Variants in GRIN2A observed in about 807,000 individuals in gnomAD.
GRIN2A encodes the protein glutamate receptor ionotropic, NMDA 2A.
GRIN2A carries 22 observed loss-of-function variants against 113.4 expected under a neutral mutation model. The ratio of observed to expected loss-of-function variants is 0.19; its 90% CI spans 0.14 to 0.28. The LOEUF is 0.28. GRIN2A is among the 10% of genes least tolerant of loss of function. GRIN2A has a pLI of 1.00. For missense variants in GRIN2A, 1,502 were observed against 1,887.0 expected, an observed-to-expected ratio of 0.80 and a Z score of 3.78; for synonymous variants, 827 against 738.4, an observed-to-expected ratio of 1.12 and a Z score of -1.94.
intron 2 of GRIN2A, chr16:10,112,844 C>T (rs767226427): frequency 1.7e-4 from 100 of 585,956 alleles, no homozygotes; most frequent in Middle Eastern, 5.0e-4. Flanking sequence ...TCGAGGGTGG[C>T]GTCCATGGCC....
intron 2 of GRIN2A, among the ~76,000 whole-genome samples, chr16:10,124,127 C>T (rs750212740): frequency 2.0e-5 from 3 of 152,064 alleles, no homozygotes; most frequent in Non-Finnish European, 2.9e-5. Flanking sequence ...GTTAAAAAAG[C>T]GAGGTATTGC....
At chr16:9,973,183 T>C (rs2045708168) in intron 2 of GRIN2A, among the ~76,000 whole-genome samples, 1 of 151,608 alleles carries the variant, frequency 6.6e-6, no homozygotes, top group South Asian at 2.1e-4. Context: ...TTTGGGGAGG[T>C]TTAGAGTCTT....
chr16:10,012,746 G>A (rs1371193746), intron 2 of GRIN2A, among the ~76,000 whole-genome samples: 2 of 152,188 alleles, frequency 1.3e-5, no homozygotes, highest in Non-Finnish European at 1.5e-5. Context: ...GGGGCCTTGA[G>A]CCAAGGAAAT....
intron 4 of GRIN2A, among the ~76,000 whole-genome samples, chr16:9,882,701 C>A (rs545896136): frequency 2.0e-5 from 3 of 152,028 alleles, no homozygotes; most frequent in African/African-American, 7.3e-5. Flanking sequence ...GCAGGAAGAC[C>A]CCTTAAGCCC....
At chr16:9,970,047 G>A (rs1328433819) in intron 2 of GRIN2A, among the ~76,000 whole-genome samples, 1 of 152,214 alleles carries the variant, frequency 6.6e-6, no homozygotes, top group East Asian at 1.9e-4. Flanking sequence ...CACACTCTAG[G>A]TAGAGCCAAC....
intron 2 of GRIN2A, among the ~76,000 whole-genome samples, chr16:10,176,957 A>T (rs760488163): frequency 6.6e-6 from 1 of 152,226 alleles, no homozygotes; most frequent in Admixed American, 6.5e-5. Context: ...CATGTTGCCA[A>T]TGTAGAAGTA....
chr16:10,101,972 A>C (rs2048408086), intron 2 of GRIN2A, among the ~76,000 whole-genome samples: 1 of 152,228 alleles, frequency 6.6e-6, no homozygotes, highest in Non-Finnish European at 1.5e-5. Flanking sequence ...CATGGTGGTA[A>C]TCCTAGAGAT....
chr16:9,958,413 T>G (rs780697789), intron 2 of GRIN2A, among the ~76,000 whole-genome samples: 1 of 152,062 alleles, frequency 6.6e-6, no homozygotes, highest in East Asian at 1.9e-4. Flanking sequence ...TGCCCATCAA[T>G]GACCACACAG....
chr16:9,975,102 T>A (rs1028171728), intron 2 of GRIN2A, among the ~76,000 whole-genome samples: 1 of 152,224 alleles, frequency 6.6e-6, no homozygotes, highest in African/African-American at 2.4e-5. Flanking sequence ...TTTCTGCATC[T>A]ATTAAGATAA....
chr16:9,893,485 A>G (rs9941069), intron 3 of GRIN2A, among the ~76,000 whole-genome samples: 49,193 of 151,940 alleles, frequency 0.32, 10,007 homozygotes, highest in African/African-American at 0.58. Flanking sequence ...TATTTTTTTT[A>G]AGACGGAGTC....
intron 11 of GRIN2A, among the ~76,000 whole-genome samples, chr16:9,772,786 G>C (rs1901352361): frequency 6.6e-6 from 1 of 152,116 alleles, no homozygotes; most frequent in Non-Finnish European, 1.5e-5. Context: ...TTGTAAGCCT[G>C]TAAGGAGGGC....
chr16:10,077,059 GGCACAGAGGAAT>G (rs1287748931), intron 2 of GRIN2A, among the ~76,000 whole-genome samples: 3 of 152,184 alleles, frequency 2.0e-5, no homozygotes, highest in African/African-American at 7.2e-5. Context: ...TCAGAAGAAA[GGCACAGAGGAAT>G]GCAATGTTGC....
chr16:9,970,063 C>T (rs570038137), intron 2 of GRIN2A, among the ~76,000 whole-genome samples: 64 of 152,312 alleles, frequency 4.2e-4, no homozygotes, highest in African/African-American at 8.4e-4. Flanking sequence ...CCAACCTTGA[C>T]GTCAAAGAAA....
At chr16:9,948,289 G>C (rs947868636) in intron 2 of GRIN2A, among the ~76,000 whole-genome samples, 16 of 152,208 alleles carry the variant, frequency 1.1e-4, no homozygotes, top group Admixed American at 3.9e-4. Context: ...GGCTTAGAGA[G>C]AGGCAGTTCT....
chr16:9,899,440 C>CAA lies in GRIN2A; in HGVS notation c.1008-8342_1008-8341dup, dbSNP rs71157791. ...GGGCAACAAGAGCAAAACTCCGTCT[C>CAA]AAAAAAAAAAAAAAAAAAAAAAAAA... On this transcript the variant is annotated intron_variant, in intron 3 of 12. Coordinates refer to ENST00000330684, the MANE Select transcript of GRIN2A (RefSeq NM_001134407.3). Among the ~76,000 whole-genome samples the CAA allele has an allele frequency of 8.1e-3, 50 of 6,204 alleles. 19 individuals carry two copies. Among genetic ancestry groups the CAA allele is most frequent in the African/African-American group, 0.042 (50 of 1,204 alleles). 4.1% of individuals were successfully genotyped at this position (6,204 alleles called of 152,430 possible).
At chr16:10,098,553 C>T (rs2048337232) in intron 2 of GRIN2A, among the ~76,000 whole-genome samples, 1 of 152,262 alleles carries the variant, frequency 6.6e-6, no homozygotes, top group African/African-American at 2.4e-5. Flanking sequence ...GGAATCAGCC[C>T]AAATGCCCAT....
intron 10 of GRIN2A, among the ~76,000 whole-genome samples, chr16:9,802,181 TGGG>T (rs1166958469): frequency 6.6e-6 from 1 of 152,212 alleles, no homozygotes; most frequent in African/African-American, 2.4e-5. Context: ...AGACCTATAC[TGGG>T]TATACACCCA....
At chr16:10,166,423 C>G (rs537236004) in intron 2 of GRIN2A, among the ~76,000 whole-genome samples, 61 of 152,280 alleles carry the variant, frequency 4.0e-4, no homozygotes, top group Admixed American at 7.8e-4. Context: ...CATGAGCCAG[C>G]CTTCCCTCTA....
intron 4 of GRIN2A, among the ~76,000 whole-genome samples, chr16:9,874,807 T>A (rs1342033292): frequency 6.6e-6 from 1 of 151,972 alleles, no homozygotes; most frequent in African/African-American, 2.4e-5. Flanking sequence ...GGATCAAGGC[T>A]GGGCACGGTA....
Sources: gnomAD v4.1 joint callset for allele counts (sites outside exome capture counted in the v4.1 genomes callset) on GRCh38, gnomAD v4.1.1 for gene constraint, MANE v1.5 for transcripts, NCBI Gene and HGNC (gene_info 2026-07-23, HGNC 2026-07-21) for gene names.